Variants in SIM1 observed in about 807,000 individuals in gnomAD.
The protein encoded by SIM1 is SIM bHLH transcription factor 1, also known as single-minded homolog 1.
SIM1 carries 18 observed loss-of-function variants against 78.2 expected under a neutral mutation model. That is an observed-to-expected ratio of 0.23 (90% confidence interval 0.16 to 0.34). The LOEUF (loss-of-function observed/expected upper bound fraction) is 0.34. SIM1 is among the 10% of genes least tolerant of loss of function. SIM1 has a pLI of 1.00. For synonymous variants in SIM1, 417 were observed against 385.2 expected (o/e 1.08, Z -0.97); for missense variants, 939 against 975.1 (o/e 0.96, Z 0.49).
At chr6:100,412,163 T>C (rs1209309983) in intron 10 of SIM1, among the ~76,000 whole-genome samples, 1 of 151,998 alleles carries the variant, frequency 6.6e-6, no homozygotes, top group Non-Finnish European at 1.5e-5. Flanking sequence ...ATTAAGATGC[T>C]GTTACAATCA....
chr6:100,453,954 C>A (rs1582322866), intron 2 of SIM1, 110 bp from the exon 3 acceptor site: 1 of 665,552 alleles, frequency 1.5e-6, no homozygotes, highest in South Asian at 2.1e-5. Flanking sequence ...TGACTGGATA[C>A]CATAGGGGAT....
chr6:100,393,368 G>T, intron 11 of SIM1, 119 bp downstream of exon 11: 3 of 913,404 alleles, frequency 3.3e-6, no homozygotes, highest in East Asian at 2.9e-5. Flanking sequence ...TAATCCCATT[G>T]GTTCTGATTT....
chr6:100,394,175 T>C, intron 10 of SIM1: 1 of 287,562 alleles, frequency 3.5e-6, no homozygotes, highest in Non-Finnish European at 6.4e-6. Flanking sequence ...CTGAATGAAG[T>C]GCCTCATATG....
intron 2 of SIM1, among the ~76,000 whole-genome samples, chr6:100,457,821 G>A (rs1311026367): frequency 1.3e-5 from 2 of 152,168 alleles, no homozygotes; most frequent in East Asian, 3.9e-4. Context: ...CGAGCGCGCC[G>A]GGCCAGGTCT....
At chr6:100,424,629 C>T (rs563599818) in intron 9 of SIM1, among the ~76,000 whole-genome samples, 10 of 151,756 alleles carry the variant, frequency 6.6e-5, no homozygotes, top group African/African-American at 1.9e-4. Context: ...TTGGTAGACA[C>T]GAGATCTCTC....
In SIM1 at chr6:100,390,192, T is replaced by C. The variant is rs1015288208; in HGVS notation, c.*169A>G. 1.4e-6 allele frequency: 1 copy of C among 711,644 alleles called. No homozygotes were observed. The highest frequency in any genetic ancestry group is 2.0e-5 in the South Asian group (1 of 51,246). 44.1% of individuals were successfully genotyped at this position (711,644 alleles called of 1,614,324 possible). ...TAGCTCCCTTTTCTGTGTATAACCC[T>C]GAATGCTAGTGCTATGTTTTCTTTG... is the stretch of plus-strand genomic sequence containing the variant. On this transcript the variant is annotated 3_prime_UTR_variant, in exon 12 of 12. Transcript: ENST00000369208.
At chr6:100,434,476 A>G (rs956025983) in intron 9 of SIM1, among the ~76,000 whole-genome samples, 3 of 152,234 alleles carry the variant, frequency 2.0e-5, no homozygotes, top group African/African-American at 7.2e-5. Context: ...ACCAATATCA[A>G]TTAATGGGAG....
At chr6:100,461,796 T>C (rs1316923966) in intron 2 of SIM1, among the ~76,000 whole-genome samples, 4 of 152,042 alleles carry the variant, frequency 2.6e-5, no homozygotes, top group Non-Finnish European at 4.4e-5. Context: ...TGGTTTTTAG[T>C]ATATAAGTTC....
intron 9 of SIM1, among the ~76,000 whole-genome samples, chr6:100,421,205 A>G (rs1389035588): frequency 6.6e-6 from 1 of 152,092 alleles, no homozygotes; most frequent in Non-Finnish European, 1.5e-5. Context: ...AATTCTCTGA[A>G]CTTCTGTGAG....
chr6:100,422,220 T>C lies in SIM1; in HGVS notation c.999-1262A>G, dbSNP rs532218030. 2.6e-3 allele frequency among the ~76,000 whole-genome samples: 394 copies of C among 152,284 alleles called. 1 individual carries two copies. Among genetic ancestry groups the C allele is most frequent in the Non-Finnish European group, 4.4e-3 (296 of 68,018 alleles). ...ATATAAAACCTGATAATTTTTTTTT[T>C]AAGAGAAGTGTCTCACTCTGTCACC... On this transcript the variant is annotated intron_variant, in intron 9 of 11. Transcript: ENST00000369208.
At chr6:100,461,651 C>T (rs1022794917) in intron 2 of SIM1, among the ~76,000 whole-genome samples, 1 of 152,026 alleles carries the variant, frequency 6.6e-6, no homozygotes, top group African/African-American at 2.4e-5. Context: ...CAGCGGAGTT[C>T]GCAATAGCTT....
At chr6:100,443,053 T>C (rs1035665996) in intron 9 of SIM1, among the ~76,000 whole-genome samples, 1 of 152,056 alleles carries the variant, frequency 6.6e-6, no homozygotes, top group Non-Finnish European at 1.5e-5. Context: ...GTAATTACAA[T>C]ATAGAGCCCC....
intron 10 of SIM1, among the ~76,000 whole-genome samples, chr6:100,414,885 G>T (rs1771359469): frequency 6.6e-6 from 1 of 152,242 alleles, no homozygotes; most frequent in African/African-American, 2.4e-5. Context: ...AAGGAAGCCA[G>T]ATTGCTGGCA....
rs1772948781 is a variant in SIM1, at chr6:100,464,781, G to T, written c.-635C>A. ...GGATCATGAATTGGAGGAGGGGTGC[G>T]TGGCAGAAAGAGGAGGATGCAAGCT... On this transcript the variant is annotated 5_prime_UTR_variant, in exon 1 of 12. Coordinates refer to ENST00000369208, the MANE Select transcript of SIM1 (RefSeq NM_005068.3). The T allele has an allele frequency of 6.6e-6, 1 of 152,354 alleles. No individual in the cohort carries two copies. The highest frequency in any genetic ancestry group is 6.5e-5 in the Admixed American group (1 of 15,290). The allele number at this position is 152,354 out of a possible 1,614,324, so 9.4% of individuals were successfully genotyped here.
chr6:100,455,424 G>C (rs2114550381), intron 2 of SIM1, among the ~76,000 whole-genome samples: 1 of 152,228 alleles, frequency 6.6e-6, no homozygotes, highest in African/African-American at 2.4e-5. Context: ...ACAGCCACCT[G>C]TACACACCCC....
chr6:100,385,644 T>C lies in SIM1; in HGVS notation c.*4717A>G, dbSNP rs920399598. 6.7e-6 allele frequency: 1 copy of C among 149,908 alleles called. No homozygotes were observed. The highest frequency in any genetic ancestry group is 2.5e-5 in the African/African-American group (1 of 40,716). 9.3% of individuals were successfully genotyped at this position (149,908 alleles called of 1,614,324 possible). ...TTTAAAATTAGCAATTAGGATTTCT[T>C]ATGTGAACCATCATTTATTTATTTA... On this transcript the variant is annotated 3_prime_UTR_variant, in exon 12 of 12. Transcript: ENST00000369208.
At chr6:100,431,971 C>T (rs533266571) in intron 9 of SIM1, among the ~76,000 whole-genome samples, 1 of 152,052 alleles carries the variant, frequency 6.6e-6, no homozygotes, top group South Asian at 2.1e-4. Flanking sequence ...TAGCAAGACC[C>T]CATCTCTATA....
At chr6:100,447,195 G>A (rs532975169) in intron 9 of SIM1, 73 bp downstream of exon 9, 7 of 1,539,576 alleles carry the variant, frequency 4.5e-6, no homozygotes, top group African/African-American at 2.7e-5. Context: ...TAACCCGGCC[G>A]TGCCGCCACC....
intron 9 of SIM1, among the ~76,000 whole-genome samples, chr6:100,426,153 T>G (rs1375508789): frequency 6.6e-6 from 1 of 152,172 alleles, no homozygotes; most frequent in African/African-American, 2.4e-5. Flanking sequence ...TGTAGAGAGC[T>G]CCACACATCT....
Sources: allele counts gnomAD v4.1 joint callset (sites outside exome capture counted in the v4.1 genomes callset), GRCh38; gene constraint gnomAD v4.1.1; transcripts MANE v1.5; gene names NCBI Gene and HGNC (gene_info 2026-07-23, HGNC 2026-07-21).